The following PKIG variants were observed in gnomAD, a reference collection of about 807,000 sequenced individuals.
The protein encoded by PKIG is protein kinase (cAMP-dependent, catalytic) inhibitor gamma.
A neutral mutation model predicts 6.8 loss-of-function variants in PKIG; 1 was observed. The observed-to-expected ratio is 0.15, with a 90% CI of 0.05 to 0.69. The LOEUF is 0.69. Among genes scored for constraint, PKIG ranks in the 30% least tolerant of loss-of-function variants. The pLI is 0.82. For missense variants in PKIG, 77 were observed against 104.0 expected (o/e 0.74, Z 1.13); for synonymous variants, 39 against 43.0 (o/e 0.91, Z 0.36).
intron 2 of PKIG, among the ~76,000 whole-genome samples, chr20:44,595,504 G>C (rs2065067794): frequency 6.6e-6 from 1 of 152,164 alleles, no homozygotes; most frequent in Non-Finnish European, 1.5e-5. Context: ...GATGCCCCAA[G>C]TACTTTTATT....
chr20:44,593,938 T>G (rs2065055220), intron 2 of PKIG, among the ~76,000 whole-genome samples: 1 of 152,224 alleles, frequency 6.6e-6, no homozygotes, highest in Admixed American at 6.5e-5. Context: ...TGAGCTGTTG[T>G]GTAAGCTCAA....
intron 1 of PKIG, among the ~76,000 whole-genome samples, chr20:44,539,068 A>T (rs769678484): frequency 2.6e-5 from 4 of 152,070 alleles, no homozygotes; most frequent in Non-Finnish European, 5.9e-5. Context: ...AGCTGAGATT[A>T]CAGGCACGTA....
intron 1 of PKIG, among the ~76,000 whole-genome samples, chr20:44,537,550 T>G (rs2064523629): frequency 6.6e-6 from 1 of 151,614 alleles, no homozygotes; most frequent in Non-Finnish European, 1.5e-5. Flanking sequence ...CAGTTTTATC[T>G]CAATAACACA....
intron 2 of PKIG, among the ~76,000 whole-genome samples, chr20:44,604,354 G>C (rs1395360444): frequency 6.6e-6 from 1 of 152,220 alleles, no homozygotes; most frequent in Non-Finnish European, 1.5e-5. Flanking sequence ...GCATAATTTT[G>C]TTGATATCCT....
In PKIG at chr20:44,553,662, A is replaced by AC. The variant is rs1459867785; in HGVS notation, c.-241+21685dup. Among the ~76,000 whole-genome samples, 3 of 152,190 alleles carry AC rather than the reference A, an allele frequency of 2.0e-5. No homozygotes were observed. In the East Asian group the frequency reaches 5.8e-4, roughly 29 times the overall value. On this transcript the variant is annotated intron_variant, in intron 1 of 4. Transcript: ENST00000372887. ...ACTTGGTGCTAGGGTTATGACAGTG[A>AC]CTAATAAAAACATAGTGCCTGCTGT...
intron 1 of PKIG, among the ~76,000 whole-genome samples, chr20:44,562,509 GGAGGAT>G: frequency 6.6e-6 from 1 of 151,342 alleles, no homozygotes; most frequent in East Asian, 1.9e-4. Context: ...TGCTGAGGTG[GGAGGAT>G]GGCTTGAGTC....
At chr20:44,540,372 T>G (rs1244885271) in intron 1 of PKIG, among the ~76,000 whole-genome samples, 1 of 152,234 alleles carries the variant, frequency 6.6e-6, no homozygotes, top group African/African-American at 2.4e-5. Flanking sequence ...ATTGATCCAT[T>G]TATAAAATTA....
At chr20:44,569,689 C>CT (rs1475622940) in intron 1 of PKIG, among the ~76,000 whole-genome samples, 1 of 152,140 alleles carries the variant, frequency 6.6e-6, no homozygotes, top group Non-Finnish European at 1.5e-5. Flanking sequence ...TCACTGCAAC[C>CT]TCGGCCTCCC....
At chr20:44,561,887 T>C (rs931385716) in intron 1 of PKIG, among the ~76,000 whole-genome samples, 3 of 152,232 alleles carry the variant, frequency 2.0e-5, no homozygotes, top group African/African-American at 7.2e-5. Flanking sequence ...GATTCAAAAG[T>C]GTATAGCCTT....
intron 2 of PKIG, among the ~76,000 whole-genome samples, chr20:44,601,080 G>A (rs1207008082): frequency 6.6e-6 from 1 of 152,210 alleles, no homozygotes; most frequent in African/African-American, 2.4e-5. Flanking sequence ...GGCCCAAAGG[G>A]TGTGGTGTCT....
chr20:44,582,494 C>G (rs1457748872), upstream of PKIG: 2 of 152,334 alleles, frequency 1.3e-5, no homozygotes, highest in Non-Finnish European at 2.9e-5. Flanking sequence ...TTGACATCAT[C>G]AGGCTGAGCA....
chr20:44,539,568 A>G (rs561516483), intron 1 of PKIG, among the ~76,000 whole-genome samples: 1 of 151,228 alleles, frequency 6.6e-6, no homozygotes, highest in South Asian at 2.1e-4. Flanking sequence ...ACAGGCGCCC[A>G]CCACCACGCC....
At chr20:44,617,614 C>T (rs1461866695) in intron 3 of PKIG, among the ~76,000 whole-genome samples, 1 of 152,118 alleles carries the variant, frequency 6.6e-6, no homozygotes, top group Non-Finnish European at 1.5e-5. Flanking sequence ...CTCACCCCAC[C>T]AAGATGTCTG....
chr20:44,562,648 G>C (rs1011527420), intron 1 of PKIG, among the ~76,000 whole-genome samples: 1 of 144,950 alleles, frequency 6.9e-6, no homozygotes, highest in Admixed American at 6.9e-5. Context: ...GAGTGAAAAA[G>C]GGAGATAGTA....
At chr20:44,611,252 C>T (rs964781360) in intron 2 of PKIG, among the ~76,000 whole-genome samples, 3 of 152,048 alleles carry the variant, frequency 2.0e-5, no homozygotes, top group Admixed American at 6.6e-5. Flanking sequence ...CGACGTTTCA[C>T]GATGTTGGCC....
At chr20:44,611,042 T>C (rs2065213840) in intron 2 of PKIG, among the ~76,000 whole-genome samples, 2 of 151,402 alleles carry the variant, frequency 1.3e-5, no homozygotes, top group African/African-American at 2.4e-5. Context: ...TATTTTGTAA[T>C]ATAGAATGCC....
intron 2 of PKIG, among the ~76,000 whole-genome samples, chr20:44,607,048 C>T (rs1232759507): frequency 6.6e-6 from 1 of 152,172 alleles, no homozygotes; most frequent in Non-Finnish European, 1.5e-5. Flanking sequence ...GACTGAGAGA[C>T]AGGAACTAAC....
chr20:44,577,976 C>T (rs2064913453), upstream of PKIG, among the ~76,000 whole-genome samples: 1 of 152,032 alleles, frequency 6.6e-6, no homozygotes, highest in African/African-American at 2.4e-5. Context: ...ATGGCGTGAT[C>T]CCCTCCCTGC....
chr20:44,609,575 T>C (rs2065195263), intron 2 of PKIG, among the ~76,000 whole-genome samples: 1 of 152,160 alleles, frequency 6.6e-6, no homozygotes, highest in African/African-American at 2.4e-5. Flanking sequence ...CGAGTGTGCA[T>C]GGAGCGCCTG....
Sources: gnomAD v4.1 joint callset for allele counts (sites outside exome capture counted in the v4.1 genomes callset) on GRCh38, gnomAD v4.1.1 for gene constraint, MANE v1.5 for transcripts, NCBI Gene and HGNC (gene_info 2026-07-23, HGNC 2026-07-21) for gene names.